Variants in LAT observed in about 807,000 individuals in gnomAD.
LAT encodes the protein linker for activation of T cells.
LAT carries 12 observed loss-of-function variants against 39.1 expected under a neutral mutation model. That is an observed-to-expected ratio of 0.31 (90% confidence interval 0.20 to 0.50). The LOEUF is 0.50. Ranked by LOEUF, LAT falls within the 20% of genes least tolerant of loss-of-function variation. The probability of loss-of-function intolerance (pLI) is 0.98; values close to 1 mark genes in which losing one functional copy is unlikely to be tolerated. For synonymous variants in LAT, 117 were observed against 123.8 expected, an observed-to-expected ratio of 0.95 and a Z score of 0.36; for missense variants, 253 against 308.0, an observed-to-expected ratio of 0.82 and a Z score of 1.34.
In LAT at chr16:28,986,816, GCAC is replaced by G. The variant is rs771484935; in HGVS notation, c.418_420del (p.Thr140del). ...CCTTTCAGGGTGGTGCTTCCTGACA[GCAC>G]CCCGGCCACTAGCACTGCTGCCCCA... On this transcript the variant is annotated inframe_deletion, in exon 8 of 12. Coordinates refer to ENST00000395456, the MANE Select transcript of LAT (RefSeq NM_001014987.2). This position sits in a 1 kb window ranked among gnomAD's most constrained non-coding sequence, Gnocchi z 5.7. The G allele has an allele frequency of 1.3e-5, 21 of 1,613,696 alleles. No homozygotes were observed. The highest frequency in any genetic ancestry group is 1.7e-5 in the Admixed American group (1 of 59,962).
chr16:28,989,030 C>T (rs1379041331), intron 8 of LAT: 2 of 155,508 alleles, frequency 1.3e-5, no homozygotes, highest in African/African-American at 4.8e-5. Context: ...ACAAAAAGCT[C>T]CCAAATAACA....
intron 8 of LAT, chr16:28,988,237 C>A (rs1013032343): frequency 6.6e-6 from 1 of 152,324 alleles, no homozygotes; most frequent in African/African-American, 2.4e-5. Context: ...CCAGTTGTCC[C>A]TTTTGTGGGA....
rs1238469006 is a variant in LAT at position 28,989,445 on chromosome 16, T to C, written c.494-82T>C. The C allele has an allele frequency of 3.2e-5, 41 of 1,276,136 alleles. No individual in the cohort carries two copies. In the South Asian group the frequency reaches 5.3e-4, roughly 17 times the overall value. The allele number at this position is 1,276,136 out of a possible 1,614,324, so 79.1% of individuals were successfully genotyped here. A position where few individuals can be genotyped will look rare whatever the true frequency, so the allele number is the denominator to read the frequency against. ...GGGTCTACCGTTGGGGAGCTCTGCA[T>C]GGCTGAGGTTGGGGGTTCTCTGGGA... On this transcript the variant is annotated intron_variant, in intron 8 of 11. Coordinates refer to ENST00000395456, the MANE Select transcript of LAT (RefSeq NM_001014987.2).
chr16:28,990,169 C>T lies in LAT; in HGVS notation c.*8-20C>T. ...GTCAGCCTCCTGATCCGTATCCCTC[C>T]CTGCCCTGGTGTGTTTCAGTGGAGG... is the stretch of plus-strand genomic sequence containing the variant. On this transcript the variant is annotated intron_variant, in intron 11 of 11. Transcript: ENST00000395456. 1 of 734,834 alleles carries T rather than the reference C, an allele frequency of 1.4e-6. No individual in the cohort carries two copies. The allele number at this position is 734,834 out of a possible 1,614,324, so 45.5% of individuals were successfully genotyped here. A position where few individuals can be genotyped will look rare whatever the true frequency, so the allele number is the denominator to read the frequency against.
At position 28,985,411 on chromosome 16, in the gene LAT, C is replaced by T. The variant is rs1308726022; in HGVS notation, c.-7C>T. 2.5e-6 allele frequency: 4 copies of T among 1,613,440 alleles called. No homozygotes were observed. The highest frequency in any genetic ancestry group is 3.4e-6 in the Non-Finnish European group (4 of 1,179,918). ...GTGCAGCCAGCCTGCTCCGAGCTCCCCTGCAGATGGAGGAGGCCATCCTGG... is the reference window on the plus strand; with the variant it reads ...GTGCAGCCAGCCTGCTCCGAGCTCCTCTGCAGATGGAGGAGGCCATCCTGG... On this transcript the variant is annotated 5_prime_UTR_variant, in exon 1 of 12. Transcript: ENST00000395456. This position sits in a 1 kb window ranked among gnomAD's most constrained non-coding sequence, Gnocchi z 4.6.
Position 28,985,430 on chromosome 16 carries a change from A to G in LAT, c.13A>G (p.Ile5Val). 3.1e-6 allele frequency: 5 copies of G among 1,613,704 alleles called. No homozygotes were observed. Among genetic ancestry groups the G allele is most frequent in the Non-Finnish European group, 3.4e-6 (4 of 1,179,920 alleles). ...AGCTCCCCTGCAGATGGAGGAGGCCATCCTGGTCCCCTGCGTGCTGGGGCT... is the reference window on the plus strand; with the variant it reads ...AGCTCCCCTGCAGATGGAGGAGGCCGTCCTGGTCCCCTGCGTGCTGGGGCT... MEEAILVPCVLGLLL... is the reference protein window; with the variant it reads MEEAVLVPCVLGLLL... The change falls in exon 1 of 12, where the codon ATC (isoleucine) becomes GTC (valine). Residue 5 changes from isoleucine (I) to valine (V), a missense_variant. Coordinates refer to ENST00000395456, the MANE Select transcript of LAT (RefSeq NM_001014987.2). The surrounding 1 kb of genome is among the most constrained non-coding windows in gnomAD (Gnocchi z 4.6).
At chr16:28,988,120 A>G (rs1267525812) in intron 8 of LAT, 1 of 151,888 alleles carries the variant, frequency 6.6e-6, no homozygotes, top group Non-Finnish European at 1.5e-5. Context: ...TAAAATAGCT[A>G]AGATTCACCG....
rs1965727753 is a variant in LAT at position 28,985,593 on chromosome 16, T to TCTGTCCTGG, written c.100+79_100+87dup. On this transcript the variant is annotated intron_variant, in intron 1 of 11. Transcript: ENST00000395456. This position sits in a 1 kb window ranked among gnomAD's most constrained non-coding sequence, Gnocchi z 4.6. Reference sequence around the variant, plus strand: ...TCCTCATCCACTCCCAGCCCCTGTGTCTGTCCTGGCTCTGTCCCTGCCTCC... The same window carrying TCTGTCCTGG: ...TCCTCATCCACTCCCAGCCCCTGTGTCTGTCCTGGCTGTCCTGGCTCTGTCCCTGCCTCC... 2 of 1,601,820 alleles carry TCTGTCCTGG rather than the reference T, an allele frequency of 1.2e-6. No homozygotes were observed. The highest frequency in any genetic ancestry group is 1.7e-4 in the Middle Eastern group (1 of 5,986).
rs1273707515 is a variant in LAT, at chr16:28,986,451, G to A, written c.310+5G>A. 4.3e-6 allele frequency: 7 copies of A among 1,613,854 alleles called. No individual in the cohort carries two copies. The highest frequency in any genetic ancestry group is 1.3e-5 in the African/African-American group (1 of 74,950). ...CCCGGCGGGATTCTGATGGTGGTAA[G>A]TGTGGGGAAGGGTTCAGGCGGCGGG... On this transcript the variant is annotated splice_donor_5th_base_variant and intron_variant, in intron 5 of 11. Coordinates refer to ENST00000395456, the MANE Select transcript of LAT (RefSeq NM_001014987.2). This position sits in a 1 kb window ranked among gnomAD's most constrained non-coding sequence, Gnocchi z 5.7.
At chr16:28,987,206 G>A (rs1273716030) in intron 8 of LAT, among the ~76,000 whole-genome samples, 1 of 152,164 alleles carries the variant, frequency 6.6e-6, no homozygotes, top group Non-Finnish European at 1.5e-5. Context: ...CACCATGCCC[G>A]GCCCTGTTCT....
At chr16:28,988,846 C>G (rs1965815626) in intron 8 of LAT, 1 of 152,394 alleles carries the variant, frequency 6.6e-6, no homozygotes, top group Non-Finnish European at 1.5e-5. Context: ...GCCTGGGCAG[C>G]ATAGGGAGAC....
At position 28,990,534 on chromosome 16, in the gene LAT, G is replaced by A. The variant is rs41280852; in HGVS notation, c.*353G>A. On this transcript the variant is annotated 3_prime_UTR_variant, in exon 12 of 12. Transcript: ENST00000395456. The stretch of plus-strand genomic sequence containing the variant: ...CTCTGTGTGTTTGTGTGTATCTGTG[G>A]GTCTCCATCCTCCATGGGGGCTCAG... The A allele has an allele frequency of 3.4e-4, 95 of 275,518 alleles. No individual in the cohort carries two copies. The highest frequency in any genetic ancestry group is 6.0e-4 in the Non-Finnish European group (84 of 139,762). 17.1% of individuals were successfully genotyped at this position (275,518 alleles called of 1,614,324 possible). A position where few individuals can be genotyped will look rare whatever the true frequency, so the allele number is the denominator to read the frequency against.
intron 11 of LAT, 59 bp downstream of exon 11, chr16:28,990,078 C>G: frequency 1.4e-6 from 2 of 1,426,498 alleles, no homozygotes; most frequent in South Asian, 1.2e-5. Flanking sequence ...CTCCTTCCCT[C>G]CAGGACCCCC....
upstream of LAT, chr16:28,984,974 C>T (rs1965707320): frequency 3.4e-6 from 5 of 1,465,536 alleles, no homozygotes; most frequent in Non-Finnish European, 3.6e-6. Context: ...CCCCTCCCCA[C>T]TGGCGGGTGG....
At position 28,986,528 on chromosome 16, in the gene LAT, C is replaced by A; in HGVS notation, c.311-12C>A. ...GAGCTGACTTAGTCTCCCTCTCACC[C>A]TCTCTTTGAAGCCAACAGTGTGGCG... is the stretch of plus-strand genomic sequence containing the variant. On this transcript the variant is annotated splice_polypyrimidine_tract_variant and intron_variant, in intron 5 of 11. Coordinates refer to ENST00000395456, the MANE Select transcript of LAT (RefSeq NM_001014987.2). This position sits in a 1 kb window ranked among gnomAD's most constrained non-coding sequence, Gnocchi z 5.7. 5 of 1,609,974 alleles carry A rather than the reference C, an allele frequency of 3.1e-6. No homozygotes were observed. The highest frequency in any genetic ancestry group is 4.2e-6 in the Non-Finnish European group (5 of 1,176,908).
upstream of LAT, chr16:28,984,995 G>A: frequency 1.4e-6 from 2 of 1,445,570 alleles, no homozygotes; most frequent in Non-Finnish European, 9.1e-7. Flanking sequence ...GGTGGGAAGG[G>A]GGCGGGTGCA....
chr16:28,989,886 TG>T, intron 10 of LAT, 46 bp from the exon 11 acceptor site: 4 of 1,613,724 alleles, frequency 2.5e-6, no homozygotes, highest in Non-Finnish European at 3.4e-6. Flanking sequence ...GCTTTGGGCT[TG>T]GGGGGATAGC....
At position 28,989,588 on chromosome 16, in the gene LAT, G is replaced by C. The variant is rs946668388; in HGVS notation, c.555G>C (p.Leu185=). 1.2e-5 allele frequency: 20 copies of C among 1,609,844 alleles called. No homozygotes were observed. The highest frequency in any genetic ancestry group is 1.7e-5 in the Non-Finnish European group (20 of 1,177,772). The change falls in exon 9 of 12, where the codon CTG becomes CTC. Residue 185 remains leucine (L), a splice_region_variant and synonymous_variant. Transcript: ENST00000395456. Reference sequence around the variant, plus strand: ...GCGGGGAGAGCGCAGAAGCGTCTCTGGGTGAGTGACCGGTGCTTGTCGGTG... The same window carrying C: ...GCGGGGAGAGCGCAGAAGCGTCTCTCGGTGAGTGACCGGTGCTTGTCGGTG... ...PESGESAEAS[L]DGSREYVNVS... is the part of the protein sequence containing the mutation.
rs1162788618 is a variant in LAT, at chr16:28,990,577, C to G, written c.*396C>G. The G allele has an allele frequency of 4.1e-6, 1 of 242,906 alleles. No homozygotes were observed. The highest frequency in any genetic ancestry group is 8.2e-6 in the Non-Finnish European group (1 of 122,354). 15.0% of individuals were successfully genotyped at this position (242,906 alleles called of 1,614,324 possible). ...GGGCTCAGCCAGGTGCTGTGACACC[C>G]CCCTTCTGAATGAAGCCTTCTGACC... On this transcript the variant is annotated 3_prime_UTR_variant, in exon 12 of 12. Coordinates refer to ENST00000395456, the MANE Select transcript of LAT (RefSeq NM_001014987.2).
Sources: gnomAD v4.1 joint callset for allele counts (sites outside exome capture counted in the v4.1 genomes callset) on GRCh38, gnomAD v4.1.1 for gene constraint, Gnocchi (gnomAD v3.1) non-coding constraint, MANE v1.5 for transcripts, NCBI Gene and HGNC (gene_info 2026-07-23, HGNC 2026-07-21) for gene names.